The following IFNGR2 variants were observed in gnomAD, a reference collection of about 807,000 sequenced individuals.
The protein encoded by IFNGR2 is IFN-gamma receptor 2.
In IFNGR2, 15 loss-of-function variants were observed where a neutral mutation model predicts 41.1. The observed-to-expected ratio is 0.37, with a 90% CI of 0.24 to 0.56. IFNGR2 has a LOEUF of 0.56. IFNGR2 is among the 20% of genes least tolerant of loss of function. The probability of loss-of-function intolerance (pLI) is 0.81; values close to 1 mark genes in which losing one functional copy is unlikely to be tolerated. For missense variants in IFNGR2, 362 were observed against 415.7 expected (o/e 0.87, Z 1.12); for synonymous variants, 161 against 171.6 (o/e 0.94, Z 0.48).
chr21:33,410,888 T>TCTTGTCTTAC, intron 1 of IFNGR2: 1 of 1,543,504 alleles, frequency 6.5e-7, no homozygotes, highest in Non-Finnish European at 8.8e-7. Context: ...CAGCAGCTAC[T>TCTTGTCTTAC]CATGGTAAGA....
chr21:33,434,716 C>T (rs1258765572), intron 6 of IFNGR2, among the ~76,000 whole-genome samples: 2 of 152,050 alleles, frequency 1.3e-5, no homozygotes, highest in African/African-American at 4.8e-5. Context: ...CCTTCATCTG[C>T]CATGATGTAT....
At position 33,432,350 on chromosome 21, in the gene IFNGR2, T is replaced by C; in HGVS notation, c.721+14T>C. 1 of 1,609,456 alleles carries C rather than the reference T, an allele frequency of 6.2e-7. No individual in the cohort carries two copies. Among genetic ancestry groups the C allele is most frequent in the Non-Finnish European group, 8.5e-7 (1 of 1,175,774 alleles). ...CAATGGCAGATGGTAAAATATACCT[T>C]CTTATGTCCTTTCTGAACTGGGAAA... On this transcript the variant is annotated intron_variant, in intron 5 of 6. Transcript: ENST00000290219.
chr21:33,412,773 C>G (rs535884428), intron 1 of IFNGR2, among the ~76,000 whole-genome samples: 7 of 152,154 alleles, frequency 4.6e-5, no homozygotes, highest in Non-Finnish European at 1.0e-4. Context: ...CCAGGCTGGC[C>G]TCGAACTCCT....
At chr21:33,429,651 A>T (rs1031976552) in intron 4 of IFNGR2, among the ~76,000 whole-genome samples, 1 of 152,132 alleles carries the variant, frequency 6.6e-6, no homozygotes, top group Non-Finnish European at 1.5e-5. Context: ...TCTGCCAGGG[A>T]GGCTTATGAG....
chr21:33,425,398 C>G (rs1018457523), intron 3 of IFNGR2, among the ~76,000 whole-genome samples: 1 of 152,190 alleles, frequency 6.6e-6, no homozygotes, highest in African/African-American at 2.4e-5. Flanking sequence ...ATGTCAGATT[C>G]CGGGCCAGGA....
In IFNGR2 at chr21:33,403,523, C is replaced by T; in HGVS notation, c.-21C>T. The T allele has an allele frequency of 8.0e-7, 1 of 1,250,964 alleles. No individual in the cohort carries two copies. Among genetic ancestry groups the T allele is most frequent in the Non-Finnish European group, 1.0e-6 (1 of 990,296 alleles). 77.5% of individuals were successfully genotyped at this position (1,250,964 alleles called of 1,614,324 possible). On this transcript the variant is annotated 5_prime_UTR_variant, in exon 1 of 7. Transcript: ENST00000290219. ...GCGGGGCCCCGGCCGCGACCTGAGC[C>T]GCCGCCGAGCGCCCGGGGCCATGCG...
At chr21:33,406,487 A>C (rs111950650) in intron 1 of IFNGR2, among the ~76,000 whole-genome samples, 4 of 152,326 alleles carry the variant, frequency 2.6e-5, no homozygotes, top group African/African-American at 9.6e-5. Flanking sequence ...CCTAATGGAT[A>C]TCTTCAAAAG....
chr21:33,425,363 C>T (rs1000857367), intron 3 of IFNGR2, among the ~76,000 whole-genome samples: 5 of 152,200 alleles, frequency 3.3e-5, no homozygotes, highest in African/African-American at 1.2e-4. Context: ...ATTGTTCTCG[C>T]CTCTAGATGA....
At chr21:33,423,167 G>T (rs1259104795) in intron 3 of IFNGR2, among the ~76,000 whole-genome samples, 3 of 149,166 alleles carry the variant, frequency 2.0e-5, no homozygotes, top group Non-Finnish European at 3.0e-5. Context: ...AGCCTCCCGA[G>T]TAGCTGGGAC....
At chr21:33,432,037 C>G (rs1182833467) in intron 4 of IFNGR2, 140 bp from the exon 5 acceptor site, 1 of 772,990 alleles carries the variant, frequency 1.3e-6, no homozygotes, top group African/African-American at 1.7e-5. Flanking sequence ...GTGTCCACTG[C>G]CAGCCAGTGA....
intron 4 of IFNGR2, among the ~76,000 whole-genome samples, chr21:33,431,000 A>G (rs2083881279): frequency 6.6e-6 from 1 of 152,160 alleles, no homozygotes; most frequent in South Asian, 2.1e-4. Context: ...CCTTGCCAGG[A>G]CAACAGGAGC....
In IFNGR2 at chr21:33,435,969, G is replaced by A. The variant is rs17879723; in HGVS notation, c.880-859G>A. ...CTACTTGGTTGGGAAGCTGAGGCAG[G>A]AGAATTGCTTGAACCCAGGAGGCGG... On this transcript the variant is annotated intron_variant, in intron 6 of 6. Coordinates refer to ENST00000290219, the MANE Select transcript of IFNGR2 (RefSeq NM_005534.4). Among the ~76,000 whole-genome samples, 1,291 of 151,752 alleles carry A rather than the reference G, an allele frequency of 8.5e-3. 22 individuals are homozygous for A. Among genetic ancestry groups the A allele is most frequent in the African/African-American group, 0.03 (1,243 of 41,388 alleles).
intron 4 of IFNGR2, among the ~76,000 whole-genome samples, chr21:33,430,638 CGGAG>C (rs748687861): frequency 1.3e-5 from 2 of 151,908 alleles, no homozygotes; most frequent in African/African-American, 2.4e-5. Flanking sequence ...TCTGTAGAGA[CGGAG>C]GGAGGGGGTC....
chr21:33,410,275 C>A (rs1293521942), intron 1 of IFNGR2, among the ~76,000 whole-genome samples: 1 of 147,874 alleles, frequency 6.8e-6, no homozygotes, highest in East Asian at 2.0e-4. Context: ...CAAGTAAATT[C>A]TCTGGCTCAG....
intron 4 of IFNGR2, among the ~76,000 whole-genome samples, chr21:33,431,851 C>T (rs1229506128): frequency 6.6e-6 from 1 of 152,168 alleles, no homozygotes; most frequent in Non-Finnish European, 1.5e-5. Context: ...GGATTATAGG[C>T]GTGAGCCACC....
At chr21:33,432,932 C>A in intron 6 of IFNGR2, 61 bp downstream of exon 6, 1 of 1,392,034 alleles carries the variant, frequency 7.2e-7, no homozygotes, top group Non-Finnish European at 1.0e-6. Context: ...GTTGCCCAGG[C>A]GGGAGTGTCA....
At chr21:33,424,738 T>C (rs768390229) in intron 3 of IFNGR2, among the ~76,000 whole-genome samples, 1 of 152,128 alleles carries the variant, frequency 6.6e-6, no homozygotes, top group Non-Finnish European at 1.5e-5. Flanking sequence ...ACCTTATTTG[T>C]TTTTTTGTTT....
At chr21:33,412,233 G>A (rs148821261) in intron 1 of IFNGR2, among the ~76,000 whole-genome samples, 1 of 152,266 alleles carries the variant, frequency 6.6e-6, no homozygotes, top group East Asian at 1.9e-4. Context: ...GAAAGAGCCG[G>A]GTCCAGCTGC....
rs1380973683 is a variant in IFNGR2, at chr21:33,426,119, G to T, written c.413-765G>T. Reference sequence around the variant, plus strand: ...TACATGGCAACACTTCTCAGTTATTGTGTTTAAATATAGTATGGGCATGGT... The same window carrying T: ...TACATGGCAACACTTCTCAGTTATTTTGTTTAAATATAGTATGGGCATGGT... On this transcript the variant is annotated intron_variant, in intron 3 of 6. Transcript: ENST00000290219. Among the ~76,000 whole-genome samples the T allele has an allele frequency of 2.2e-5, 3 of 135,224 alleles. No homozygotes were observed. In the East Asian group the frequency reaches 6.6e-4, roughly 30 times the overall value. 88.7% of individuals were successfully genotyped at this position (135,224 alleles called of 152,430 possible).
Sources: allele counts gnomAD v4.1 joint callset (sites outside exome capture counted in the v4.1 genomes callset), GRCh38; gene constraint gnomAD v4.1.1; transcripts MANE v1.5; gene names NCBI Gene and HGNC (gene_info 2026-07-23, HGNC 2026-07-21).